Variants in ROBO2 observed in about 807,000 individuals in gnomAD.
The protein encoded by ROBO2 is roundabout homolog 2.
Under a neutral mutation model 160.8 loss-of-function variants are expected in ROBO2, and 53 were observed. The observed-to-expected ratio is 0.33, with a 90% CI of 0.26 to 0.41. The LOEUF (loss-of-function observed/expected upper bound fraction) is 0.41. Among genes scored for constraint, ROBO2 ranks in the 10% least tolerant of loss-of-function variants. The pLI is 1.00. For missense variants in ROBO2, 1,577 were observed against 1,722.4 expected, an observed-to-expected ratio of 0.92 and a Z score of 1.49; for synonymous variants, 664 against 611.7, an observed-to-expected ratio of 1.09 and a Z score of -1.26.
intron 2 of ROBO2, among the ~76,000 whole-genome samples, chr3:76,102,816 C>T (rs758740545): frequency 1.4e-5 from 2 of 146,930 alleles, no homozygotes; most frequent in African/African-American, 2.6e-5. Context: ...TGTTTTAATA[C>T]AAAGAGACCT....
At chr3:76,184,330 G>A (rs1038877097) in intron 2 of ROBO2, among the ~76,000 whole-genome samples, 2 of 152,086 alleles carry the variant, frequency 1.3e-5, no homozygotes, top group East Asian at 1.9e-4. Context: ...ACTTGCCAAC[G>A]ATCCGGTTCA....
intron 8 of ROBO2, among the ~76,000 whole-genome samples, chr3:77,555,587 CTATCT>C (rs2093085572): frequency 3.4e-5 from 1 of 29,556 alleles, no homozygotes; most frequent in South Asian, 1.0e-3. Flanking sequence ...TCCTTTTGCT[CTATCT>C]TTTTCTCTCA....
intron 2 of ROBO2, among the ~76,000 whole-genome samples, chr3:77,473,797 G>T (rs2083656181): frequency 6.6e-6 from 1 of 152,004 alleles, no homozygotes; most frequent in Middle Eastern, 3.2e-3. Context: ...GCTGTTTTTT[G>T]TTAAAAGGGA....
At chr3:76,235,198 A>G (rs6790220) in intron 2 of ROBO2, among the ~76,000 whole-genome samples, 141,430 of 152,116 alleles carry the variant, frequency 0.93, 65,822 homozygotes, top group East Asian at 0.98. Context: ...TTAAGATGGA[A>G]TCATACTAAC....
At chr3:77,582,682 C>T (rs1221106405) in intron 16 of ROBO2, among the ~76,000 whole-genome samples, 1 of 151,804 alleles carries the variant, frequency 6.6e-6, no homozygotes, top group Admixed American at 6.6e-5. Flanking sequence ...TTCCTCTCAT[C>T]TTTTTTTTGT....
At chr3:77,057,696 G>A (rs9784332) in intron 1 of ROBO2, among the ~76,000 whole-genome samples, 108,298 of 150,556 alleles carry the variant, frequency 0.72, 40,931 homozygotes, top group Middle Eastern at 0.88. Context: ...TCAGCCTCCC[G>A]AGTAGCTGGG....
At chr3:77,516,541 T>C (rs1046397763) in intron 5 of ROBO2, among the ~76,000 whole-genome samples, 1 of 151,570 alleles carries the variant, frequency 6.6e-6, no homozygotes, top group Admixed American at 6.6e-5. Context: ...TCTGCTAAAA[T>C]TATTTCATTT....
chr3:77,593,646 G>A (rs2094231354), intron 17 of ROBO2, among the ~76,000 whole-genome samples: 1 of 152,148 alleles, frequency 6.6e-6, no homozygotes, highest in South Asian at 2.1e-4. Context: ...CATATTACCT[G>A]ATTATGATAG....
chr3:76,688,490 A>G (rs1170875695), intron 2 of ROBO2, among the ~76,000 whole-genome samples: 1 of 151,992 alleles, frequency 6.6e-6, no homozygotes, highest in Non-Finnish European at 1.5e-5. Context: ...GAGAAAATTT[A>G]AACGTTGAAT....
chr3:76,316,962 C>T lies in ROBO2; in HGVS notation c.109+379360C>T, dbSNP rs528441647. ...GTTCTTGAAATAACCCCAACCACTA[C>T]ACTAGTTCTAACTTCCAGATAAAAT... On this transcript the variant is annotated intron_variant, in intron 2 of 26. Coordinates refer to the ROBO2 transcript ENST00000487694. 2.0e-5 allele frequency among the ~76,000 whole-genome samples: 3 copies of T among 152,330 alleles called. No homozygotes were observed. The East Asian group carries it at 5.8e-4, about 29-fold the overall frequency.
rs1439507488 is a variant in ROBO2, at chr3:77,164,447, GC to G, written c.388+66113del. Among the ~76,000 whole-genome samples the G allele has an allele frequency of 4.7e-3, 592 of 126,822 alleles. 41 individuals are homozygous for G. The highest frequency in any genetic ancestry group is 0.011 in the Middle Eastern group (2 of 182). The allele number at this position is 126,822 out of a possible 152,430, so 83.2% of individuals were successfully genotyped here. A position where few individuals can be genotyped will look rare whatever the true frequency, so the allele number is the denominator to read the frequency against. ...GTCCGGGAGGGAGGTGGGGGGGTCA[GC>G]CCCCCGCCTGGCCAGCAGTGCTGTC... On this transcript the variant is annotated intron_variant, in intron 2 of 25. Transcript: ENST00000461745.
At position 75,976,546 on chromosome 3, in the gene ROBO2, A is replaced by G. The variant is rs749592512; in HGVS notation, c.109+38944A>G. ...GAGAGGAACTTCAAAGACATTAGCA[A>G]TATTTCTTATCTGATTTGACTATTG... On this transcript the variant is annotated intron_variant, in intron 2 of 26. Transcript: ENST00000487694. Among the ~76,000 whole-genome samples the G allele has an allele frequency of 6.1e-4, 93 of 151,540 alleles. 1 individual carries two copies. The highest frequency in any genetic ancestry group is 1.8e-4 in the Non-Finnish European group (12 of 67,710).
chr3:77,487,611 C>A (rs780944369), intron 4 of ROBO2, among the ~76,000 whole-genome samples: 4 of 152,074 alleles, frequency 2.6e-5, no homozygotes, highest in Non-Finnish European at 4.4e-5. Context: ...CCATCCTTAC[C>A]TCATACATGC....
chr3:76,758,687 G>T (rs2061127409), intron 2 of ROBO2, among the ~76,000 whole-genome samples: 1 of 151,776 alleles, frequency 6.6e-6, no homozygotes, highest in Admixed American at 6.6e-5. Context: ...GATCAAAGGT[G>T]ATCTACAAAC....
intron 2 of ROBO2, among the ~76,000 whole-genome samples, chr3:76,856,879 C>T (rs915136793): frequency 1.1e-4 from 16 of 152,178 alleles, no homozygotes; most frequent in African/African-American, 9.7e-5. Context: ...ACAACATATA[C>T]ATTTAATAAT....
intron 2 of ROBO2, among the ~76,000 whole-genome samples, chr3:77,428,214 A>G (rs982043675): frequency 1.3e-5 from 2 of 152,066 alleles, no homozygotes; most frequent in African/African-American, 2.4e-5. Context: ...CCTTAAAACT[A>G]TAGGAATTAT....
At chr3:77,455,372 G>T (rs377715178) in intron 2 of ROBO2, among the ~76,000 whole-genome samples, 1 of 152,128 alleles carries the variant, frequency 6.6e-6, no homozygotes, top group South Asian at 2.1e-4. Flanking sequence ...AAATATAATC[G>T]CTGACATGTG....
chr3:76,789,195 G>T (rs752347511), intron 2 of ROBO2, among the ~76,000 whole-genome samples: 2 of 151,436 alleles, frequency 1.3e-5, no homozygotes, highest in Non-Finnish European at 3.0e-5. Context: ...ATTTTCCTGT[G>T]CACTGAGCTT....
At chr3:77,062,783 A>T (rs1360314422) in intron 1 of ROBO2, among the ~76,000 whole-genome samples, 2 of 152,182 alleles carry the variant, frequency 1.3e-5, no homozygotes, top group South Asian at 2.1e-4. Flanking sequence ...CACAAAAAAA[A>T]TGCCAGTTTT....
Sources: gnomAD v4.1 joint callset for allele counts (sites outside exome capture counted in the v4.1 genomes callset) on GRCh38, gnomAD v4.1.1 for gene constraint, MANE v1.5 for transcripts, NCBI Gene and HGNC (gene_info 2026-07-23, HGNC 2026-07-21) for gene names.